SEC24B: variants seen among roughly 807,000 people sequenced by gnomAD.
SEC24B encodes the protein protein transport protein Sec24B.
A neutral mutation model predicts 142.8 loss-of-function variants in SEC24B; 45 were observed. That is an observed-to-expected ratio of 0.32 (90% CI 0.25 to 0.40). SEC24B has a LOEUF of 0.40. SEC24B is among the 10% of genes least tolerant of loss of function. The pLI, the probability that SEC24B is intolerant of heterozygous loss-of-function variation, is 1.00. For synonymous variants in SEC24B, 574 were observed against 568.2 expected (o/e 1.01, Z -0.15); for missense variants, 1,409 against 1,526.8 (o/e 0.92, Z 1.29).
intron 4 of SEC24B, among the ~76,000 whole-genome samples, chr4:109,486,622 C>T (rs1403502990): frequency 6.6e-6 from 1 of 152,168 alleles, no homozygotes; most frequent in Non-Finnish European, 1.5e-5. Flanking sequence ...TCATACTTGA[C>T]CCCCATTTGA....
intron 11 of SEC24B, among the ~76,000 whole-genome samples, chr4:109,518,309 T>C (rs181137331): frequency 3.3e-5 from 5 of 152,314 alleles, no homozygotes; most frequent in Non-Finnish European, 5.9e-5. Flanking sequence ...CTCTGGAAAG[T>C]ACAGTTGTTT....
chr4:109,496,361 C>T (rs1735543482), intron 6 of SEC24B, among the ~76,000 whole-genome samples: 2 of 152,176 alleles, frequency 1.3e-5, no homozygotes, highest in African/African-American at 4.8e-5. Context: ...GATCCGCCTG[C>T]CTCGGCCTCC....
chr4:109,519,670 A>G (rs1307999961), intron 11 of SEC24B, among the ~76,000 whole-genome samples: 1 of 152,220 alleles, frequency 6.6e-6, no homozygotes, highest in African/African-American at 2.4e-5. Flanking sequence ...CTGAACATCC[A>G]CATAACTTGT....
intron 6 of SEC24B, among the ~76,000 whole-genome samples, chr4:109,500,882 C>T (rs1469201248): frequency 6.6e-6 from 1 of 152,130 alleles, no homozygotes; most frequent in East Asian, 1.9e-4. Context: ...TGGTCTCAAA[C>T]TCTGGACCTC....
chr4:109,504,355 A>G (rs1180228547), intron 6 of SEC24B, among the ~76,000 whole-genome samples: 1 of 152,158 alleles, frequency 6.6e-6, no homozygotes, highest in Non-Finnish European at 1.5e-5. Flanking sequence ...ATAGTTTACT[A>G]ATTCTATTTG....
intron 5 of SEC24B, among the ~76,000 whole-genome samples, chr4:109,494,379 A>G (rs188027101): frequency 4.6e-5 from 7 of 152,336 alleles, no homozygotes; most frequent in Admixed American, 3.3e-4. Flanking sequence ...AATAAAAAAA[A>G]GATGTAGTAT....
Position 109,472,993 on chromosome 4 carries a change from C to T in SEC24B, c.878-11C>T. 1.4e-6 allele frequency: 2 copies of T among 1,480,558 alleles called. No homozygotes were observed. Among genetic ancestry groups the T allele is most frequent in the South Asian group, 1.5e-5 (1 of 65,598 alleles). 91.7% of individuals were successfully genotyped at this position (1,480,558 alleles called of 1,614,324 possible). A position where few individuals can be genotyped will look rare whatever the true frequency, so the allele number is the denominator to read the frequency against. ...CAAGTTTCTGTGGATGAAATAGTTT[C>T]TTCTCTTCAGTTGCAGATTCTTTAT... On this transcript the variant is annotated splice_polypyrimidine_tract_variant and intron_variant, in intron 2 of 23. Transcript: ENST00000265175.
intron 1 of SEC24B, among the ~76,000 whole-genome samples, chr4:109,460,244 A>C (rs1731117683): frequency 6.6e-6 from 1 of 152,182 alleles, no homozygotes; most frequent in Non-Finnish European, 1.5e-5. Context: ...ACAAATTGAA[A>C]ACAATTAGAA....
At chr4:109,448,947 T>C (rs1336200471) in intron 1 of SEC24B, among the ~76,000 whole-genome samples, 2 of 152,010 alleles carry the variant, frequency 1.3e-5, no homozygotes, top group East Asian at 1.9e-4. Flanking sequence ...TTTTTTTTTT[T>C]CCAATGACTT....
chr4:109,462,681 C>G (rs1731392302), intron 1 of SEC24B, among the ~76,000 whole-genome samples: 1 of 152,102 alleles, frequency 6.6e-6, no homozygotes, highest in South Asian at 2.1e-4. Flanking sequence ...AGTCCTGGTA[C>G]ATTGTGAGGG....
chr4:109,515,431 A>G (rs1304178616), intron 10 of SEC24B, among the ~76,000 whole-genome samples: 1 of 151,998 alleles, frequency 6.6e-6, no homozygotes, highest in East Asian at 1.9e-4. Flanking sequence ...AAAAGATTTA[A>G]TATATTCTTT....
At chr4:109,448,852 T>G (rs1370119228) in intron 1 of SEC24B, among the ~76,000 whole-genome samples, 1 of 152,224 alleles carries the variant, frequency 6.6e-6, no homozygotes, top group Non-Finnish European at 1.5e-5. Flanking sequence ...TTTTTCTGTT[T>G]CAGGATTTAA....
chr4:109,481,552 A>C, intron 3 of SEC24B, 125 bp from the exon 4 acceptor site: 1 of 653,442 alleles, frequency 1.5e-6, no homozygotes, highest in Non-Finnish European at 2.7e-6. Context: ...TGCTAATATT[A>C]ATATGCATGT....
chr4:109,495,343 A>G (rs1352564563), intron 6 of SEC24B, among the ~76,000 whole-genome samples: 1 of 152,216 alleles, frequency 6.6e-6, no homozygotes, highest in South Asian at 2.1e-4. Flanking sequence ...ATAGGCTCAC[A>G]TGCTCATTTA....
chr4:109,468,775 A>G (rs1389974539), intron 2 of SEC24B, among the ~76,000 whole-genome samples: 1 of 152,240 alleles, frequency 6.6e-6, no homozygotes, highest in Admixed American at 6.5e-5. Context: ...AAAGAAGAAT[A>G]CAAGATGACT....
At chr4:109,529,719 C>A (rs1724683116) in intron 18 of SEC24B, among the ~76,000 whole-genome samples, 1 of 152,152 alleles carries the variant, frequency 6.6e-6, no homozygotes, top group Admixed American at 6.5e-5. Context: ...ATGCATTTCA[C>A]TAATATCAAT....
At chr4:109,539,103 A>C (rs1419520000) in intron 23 of SEC24B, among the ~76,000 whole-genome samples, 1 of 151,944 alleles carries the variant, frequency 6.6e-6, no homozygotes, top group African/African-American at 2.4e-5. Context: ...CTGGGATTAC[A>C]GGCGCCCACC....
intron 1 of SEC24B, among the ~76,000 whole-genome samples, chr4:109,436,930 A>G (rs1728460790): frequency 6.6e-6 from 1 of 152,232 alleles, no homozygotes; most frequent in Non-Finnish European, 1.5e-5. Context: ...ATCCTTTATA[A>G]TAAACAATAA....
chr4:109,453,235 A>G (rs966679219), intron 1 of SEC24B, among the ~76,000 whole-genome samples: 1 of 152,206 alleles, frequency 6.6e-6, no homozygotes, highest in Non-Finnish European at 1.5e-5. Flanking sequence ...AGAATCACTA[A>G]TGAACTTCCA....
Sources: gnomAD v4.1 joint callset for allele counts (sites outside exome capture counted in the v4.1 genomes callset) on GRCh38, gnomAD v4.1.1 for gene constraint, MANE v1.5 for transcripts, NCBI Gene and HGNC (gene_info 2026-07-23, HGNC 2026-07-21) for gene names.